The following MGAT4C variants were observed in gnomAD, a reference collection of about 807,000 sequenced individuals.
MGAT4C encodes the protein alpha-1,3-mannosyl-glycoprotein 4-beta-N-acetylglucosaminyltransferase C.
MGAT4C carries 19 observed loss-of-function variants against 40.1 expected under a neutral mutation model. The observed-to-expected ratio is 0.47, with a 90% CI of 0.33 to 0.70. MGAT4C has a LOEUF of 0.70. MGAT4C is among the 30% of genes least tolerant of loss of function. The pLI is 0.02. For synonymous variants in MGAT4C, 181 were observed against 187.1 expected (o/e 0.97, Z 0.27); for missense variants, 491 against 563.2 (o/e 0.87, Z 1.30).
At chr12:86,090,955 AATTT>A (rs1281017069) in intron 1 of MGAT4C, among the ~76,000 whole-genome samples, 2 of 151,886 alleles carry the variant, frequency 1.3e-5, no homozygotes, top group Non-Finnish European at 2.9e-5. Flanking sequence ...AACAAAACTC[AATTT>A]ATTTACTTGT....
At chr12:86,682,283 T>A (rs1388424537) in intron 2 of MGAT4C, among the ~76,000 whole-genome samples, 1 of 152,080 alleles carries the variant, frequency 6.6e-6, no homozygotes, top group Admixed American at 6.6e-5. Context: ...TTTTATTAGA[T>A]GCAATATTTT....
intron 3 of MGAT4C, among the ~76,000 whole-genome samples, chr12:86,360,329 C>T (rs577171624): frequency 2.4e-4 from 37 of 152,212 alleles, no homozygotes; most frequent in African/African-American, 8.4e-4. Context: ...ATTCATGGGG[C>T]GTACCTCAAA....
intron 2 of MGAT4C, among the ~76,000 whole-genome samples, chr12:86,437,214 C>T (rs1183149790): frequency 6.6e-6 from 1 of 151,690 alleles, no homozygotes; most frequent in African/African-American, 2.4e-5. Context: ...TTCTGAAATT[C>T]TTAATGCTTA....
At chr12:86,565,231 A>G (rs1325909775) in intron 2 of MGAT4C, among the ~76,000 whole-genome samples, 1 of 152,158 alleles carries the variant, frequency 6.6e-6, no homozygotes, top group African/African-American at 2.4e-5. Flanking sequence ...ATATGTGATC[A>G]GGCTCAAGCA....
At chr12:86,725,771 C>G (rs1239121458) in intron 2 of MGAT4C, among the ~76,000 whole-genome samples, 1 of 152,038 alleles carries the variant, frequency 6.6e-6, no homozygotes, top group African/African-American at 2.4e-5. Context: ...CCCAGCGCCC[C>G]CTTTTTATTT....
intron 2 of MGAT4C, among the ~76,000 whole-genome samples, chr12:86,641,597 G>A (rs916428245): frequency 1.3e-5 from 2 of 151,782 alleles, no homozygotes; most frequent in African/African-American, 4.8e-5. Flanking sequence ...GAATGAATGT[G>A]GAGAGAAGGT....
chr12:86,051,557 A>G (rs2136969431), intron 1 of MGAT4C, among the ~76,000 whole-genome samples: 1 of 151,978 alleles, frequency 6.6e-6, no homozygotes, highest in South Asian at 2.1e-4. Flanking sequence ...AAGCAAAGAT[A>G]ATTTCATCTG....
At chr12:86,623,284 C>T (rs1962695484) in intron 2 of MGAT4C, among the ~76,000 whole-genome samples, 1 of 152,092 alleles carries the variant, frequency 6.6e-6, no homozygotes, top group Admixed American at 6.6e-5. Context: ...TCTATTTCTG[C>T]TATGCAATGT....
intron 1 of MGAT4C, among the ~76,000 whole-genome samples, chr12:86,190,397 T>C (rs562754937): frequency 6.6e-6 from 1 of 152,270 alleles, no homozygotes; most frequent in South Asian, 2.1e-4. Flanking sequence ...GTGTTTCTCC[T>C]GTTAATTGCA....
Position 86,336,147 on chromosome 12 carries a change from T to A in MGAT4C, c.-119-2020A>T, listed in dbSNP as rs548969532. The stretch of plus-strand genomic sequence containing the variant: ...TGCTATCCTGTATTTTTATTTGTAT[T>A]ATTTTTATTGTTGCATTGTTACTTT... On this transcript the variant is annotated intron_variant, in intron 3 of 7. Transcript: ENST00000548651. Among the ~76,000 whole-genome samples the A allele has an allele frequency of 3.1e-4, 47 of 152,338 alleles. No individual in the cohort carries two copies. The South Asian group carries it at 9.8e-3, about 32-fold the overall frequency.
In MGAT4C at chr12:85,956,211, C is replaced by T. The variant is rs1882783968; in HGVS notation, c.*23078G>A. 6.6e-6 allele frequency: 1 copy of T among 152,160 alleles called. No homozygotes were observed. Among genetic ancestry groups the T allele is most frequent in the Non-Finnish European group, 1.5e-5 (1 of 68,014 alleles). 9.4% of individuals were successfully genotyped at this position (152,160 alleles called of 1,614,324 possible). On this transcript the variant is annotated 3_prime_UTR_variant, in exon 5 of 5. Transcript: ENST00000611864. ...ACAGTGAGAAGTATAATGATTTTTT[C>T]CTGAAAACCCTGTCTTTTACTATGC...
intron 2 of MGAT4C, among the ~76,000 whole-genome samples, chr12:86,044,703 G>C (rs1892216903): frequency 6.6e-6 from 1 of 152,122 alleles, no homozygotes; most frequent in African/African-American, 2.4e-5. Flanking sequence ...AAGGAGCTAT[G>C]ATGTGGGCCC....
intron 1 of MGAT4C, among the ~76,000 whole-genome samples, chr12:86,179,865 A>AT (rs920088730): frequency 5.3e-4 from 81 of 152,294 alleles, no homozygotes; most frequent in African/African-American, 1.8e-3. Context: ...AGAAAAATCC[A>AT]TTTTTTGAGG....
intron 2 of MGAT4C, among the ~76,000 whole-genome samples, chr12:85,994,654 CA>C (rs1388116138): frequency 6.6e-6 from 1 of 151,272 alleles, no homozygotes; most frequent in African/African-American, 2.4e-5. Context: ...AAACAAAAAA[CA>C]AAAAAACACT....
chr12:86,686,990 G>T (rs1371678832), intron 2 of MGAT4C, among the ~76,000 whole-genome samples: 1 of 152,050 alleles, frequency 6.6e-6, no homozygotes, highest in Non-Finnish European at 1.5e-5. Context: ...GTTGTTGTTG[G>T]TAGGCTATTA....
At position 85,966,597 on chromosome 12, in the gene MGAT4C, C is replaced by T. The variant is rs144119633; in HGVS notation, c.*12692G>A. 1 of 152,106 alleles carries T rather than the reference C, an allele frequency of 6.6e-6. No homozygotes were observed. The highest frequency in any genetic ancestry group is 2.1e-4 in the South Asian group (1 of 4,826). 9.4% of individuals were successfully genotyped at this position (152,106 alleles called of 1,614,324 possible). On this transcript the variant is annotated 3_prime_UTR_variant, in exon 5 of 5. Coordinates refer to ENST00000611864, the MANE Select transcript of MGAT4C (RefSeq NM_001351288.2). The stretch of plus-strand genomic sequence containing the variant: ...TCATGCTTCTATAAAGACACATGCA[C>T]ACGTATGTTTATTGCGGCACTATTC...
rs1355561385 is a variant in MGAT4C at position 86,700,317 on chromosome 12, AATTTT to A, written c.-229+26887_-229+26891del. On this transcript the variant is annotated intron_variant, in intron 2 of 7. Transcript: ENST00000548651. ...TTAATATATTGACTAGAACAGAGTT[AATTTT>A]AGAGAGAGAGACTGTGTGTGTGTGT... 3.9e-5 allele frequency among the ~76,000 whole-genome samples: 6 copies of A among 152,140 alleles called. No individual in the cohort carries two copies. The East Asian group carries it at 7.7e-4, about 20-fold the overall frequency.
At chr12:86,734,527 G>C (rs906712810) in intron 1 of MGAT4C, among the ~76,000 whole-genome samples, 4 of 152,116 alleles carry the variant, frequency 2.6e-5, no homozygotes, top group Middle Eastern at 6.8e-3. Context: ...GTAGGAGGTA[G>C]AGCCTTTGAT....
intron 2 of MGAT4C, among the ~76,000 whole-genome samples, chr12:86,689,274 C>T (rs1950131042): frequency 6.6e-6 from 1 of 152,124 alleles, no homozygotes; most frequent in Non-Finnish European, 1.5e-5. Context: ...AGCTTCCTTG[C>T]CCTGGGTTAG....
Sources: gnomAD v4.1 joint callset for allele counts (sites outside exome capture counted in the v4.1 genomes callset) on GRCh38, gnomAD v4.1.1 for gene constraint, MANE v1.5 for transcripts, NCBI Gene and HGNC (gene_info 2026-07-23, HGNC 2026-07-21) for gene names.